The following LLGL2 variants were observed in gnomAD, a reference collection of about 807,000 sequenced individuals.
LLGL2 encodes the protein LLGL scribble cell polarity complex component 2.
LLGL2 carries 81 observed loss-of-function variants against 123.2 expected under a neutral mutation model. That is an observed-to-expected ratio of 0.66 (90% CI 0.55 to 0.79). The LOEUF (loss-of-function observed/expected upper bound fraction) is 0.79. LLGL2 is among the 30% of genes least tolerant of loss of function. The pLI is 0.00. For synonymous variants in LLGL2, 577 were observed against 594.1 expected (o/e 0.97, Z 0.42); for missense variants, 1,273 against 1,414.6 (o/e 0.90, Z 1.61).
intron 1 of LLGL2, among the ~76,000 whole-genome samples, chr17:75,537,243 A>G (rs929105423): frequency 6.6e-6 from 1 of 152,182 alleles, no homozygotes; most frequent in Non-Finnish European, 1.5e-5. Context: ...TAAACAGCAC[A>G]TCAAGGCCAG....
chr17:75,558,801 AG>A lies in LLGL2; in HGVS notation c.371+175del, dbSNP rs1391027598. Among the ~76,000 whole-genome samples, 2 of 151,626 alleles carry A rather than the reference AG, an allele frequency of 1.3e-5. No individual in the cohort carries two copies. The highest frequency in any genetic ancestry group is 4.8e-5 in the African/African-American group (2 of 41,272). On this transcript the variant is annotated intron_variant, in intron 5 of 25. Coordinates refer to ENST00000392550, the MANE Select transcript of LLGL2 (RefSeq NM_001031803.2). The surrounding 1 kb of genome is among the most constrained non-coding windows in gnomAD (Gnocchi z 4.0). ...CTCCGAGTGGAGTGGGCGGGGCTGC[AG>A]CCTGCCTCCTCCATCCACACCACGC...
At chr17:75,535,467 A>G (rs918832640) in intron 1 of LLGL2, among the ~76,000 whole-genome samples, 2 of 152,190 alleles carry the variant, frequency 1.3e-5, no homozygotes, top group African/African-American at 4.8e-5. Context: ...CAGATCAATG[A>G]GATCAATGGA....
intron 2 of LLGL2, among the ~76,000 whole-genome samples, chr17:75,554,353 T>C (rs1038611352): frequency 1.2e-4 from 18 of 150,346 alleles, no homozygotes; most frequent in Middle Eastern, 3.2e-3. Context: ...GACTCACGCC[T>C]GTAATCCCAG....
At chr17:75,567,975 T>C in intron 10 of LLGL2, 1 of 742,762 alleles carries the variant, frequency 1.3e-6, no homozygotes, top group Non-Finnish European at 1.6e-6. Flanking sequence ...AGACAAATGG[T>C]TTAATCATCC....
intron 2 of LLGL2, among the ~76,000 whole-genome samples, chr17:75,552,420 C>T (rs528880175): frequency 1.6e-4 from 24 of 152,074 alleles, no homozygotes; most frequent in Non-Finnish European, 3.1e-4. Flanking sequence ...ACCAGGGAGG[C>T]GGAGGTTGCA....
At chr17:75,542,263 C>T (rs925777484) in intron 1 of LLGL2, among the ~76,000 whole-genome samples, 3 of 152,082 alleles carry the variant, frequency 2.0e-5, no homozygotes, top group African/African-American at 7.2e-5. Context: ...ATCTAAGCTG[C>T]CTCCCACTTC....
intron 19 of LLGL2, among the ~76,000 whole-genome samples, 186 bp from the exon 20 acceptor site, chr17:75,572,828 A>T (rs1278127600): frequency 6.6e-6 from 1 of 151,778 alleles, no homozygotes; most frequent in East Asian, 1.9e-4. Flanking sequence ...TCGGAGGAAA[A>T]AAAAAAAAAT....
At chr17:75,539,140 C>G (rs1299162936) in intron 1 of LLGL2, among the ~76,000 whole-genome samples, 1 of 152,198 alleles carries the variant, frequency 6.6e-6, no homozygotes, top group East Asian at 1.9e-4. Flanking sequence ...CTCACTGCAG[C>G]CTCAACTTCC....
At chr17:75,552,612 C>T (rs2054728147) in intron 2 of LLGL2, among the ~76,000 whole-genome samples, 1 of 152,154 alleles carries the variant, frequency 6.6e-6, no homozygotes, top group Non-Finnish European at 1.5e-5. Flanking sequence ...GTGTATTTTA[C>T]ACTTACGGCA....
In LLGL2 at chr17:75,569,959, G is replaced by A. The variant is rs768343130; in HGVS notation, c.1582-4G>A. The A allele has an allele frequency of 7.6e-6, 12 of 1,581,904 alleles. No individual in the cohort carries two copies. The highest frequency in any genetic ancestry group is 1.7e-5 in the Admixed American group (1 of 57,898). Reference sequence around the variant, plus strand: ...CTTGCTGAGCCACCTGCCACCCTGCGCAGGTGCTGGTACTGGAACTGAATG... The same window carrying A: ...CTTGCTGAGCCACCTGCCACCCTGCACAGGTGCTGGTACTGGAACTGAATG... On this transcript the variant is annotated splice_polypyrimidine_tract_variant and splice_region_variant and intron_variant, in intron 14 of 25. Transcript: ENST00000392550.
chr17:75,526,531 G>A (rs1236287841), intron 1 of LLGL2, among the ~76,000 whole-genome samples: 1 of 152,188 alleles, frequency 6.6e-6, no homozygotes, highest in African/African-American at 2.4e-5. Flanking sequence ...TGGTGGACAC[G>A]CTGGGCCTTG....
chr17:75,568,933 C>G (rs371263513), intron 12 of LLGL2, 45 bp from the exon 13 acceptor site: 3 of 1,587,220 alleles, frequency 1.9e-6, no homozygotes, highest in Admixed American at 1.7e-5. Context: ...CTGGGCATCC[C>G]GGCTGGCATC....
intron 10 of LLGL2, chr17:75,568,120 G>T: frequency 8.4e-7 from 1 of 1,187,306 alleles, no homozygotes; most frequent in Non-Finnish European, 1.0e-6. Context: ...GGAGAGGCTT[G>T]ACAGGTGCAT....
At chr17:75,554,971 C>T (rs962035695) in intron 2 of LLGL2, among the ~76,000 whole-genome samples, 2 of 149,752 alleles carry the variant, frequency 1.3e-5, no homozygotes, top group African/African-American at 4.9e-5. Flanking sequence ...GTGGACAGAT[C>T]ATGAGGTCAG....
rs759931517 is a variant in LLGL2 at position 75,571,963 on chromosome 17, G to A, written c.2359G>A (p.Val787Ile). 19 of 1,612,734 alleles carry A rather than the reference G, an allele frequency of 1.2e-5. No homozygotes were observed. Among genetic ancestry groups the A allele is most frequent in the Middle Eastern group, 1.6e-4 (1 of 6,084 alleles). ...CATCCTGGTGCTCGACGGACACAGC[G>A]TACCCCTTCCCGAGCCCCTCGAAGT... ...VGILVLDGHS[V>I]PLPEPLEVAH... The change falls in exon 19 of 26, where the codon GTA (valine) becomes ATA (isoleucine). Residue 787 changes from valine (V) to isoleucine (I), a missense_variant. Transcript: ENST00000392550.
rs1258727084 is a variant in LLGL2, at chr17:75,558,283, G to T, written c.255+47G>T. ...AGGAAGCCACTTCCATGCCCTCCTTGCCTTCACTGCTTCCAGCAGGGCTGG... is the reference window on the plus strand; with the variant it reads ...AGGAAGCCACTTCCATGCCCTCCTTTCCTTCACTGCTTCCAGCAGGGCTGG... On this transcript the variant is annotated intron_variant, in intron 4 of 25. Coordinates refer to ENST00000392550, the MANE Select transcript of LLGL2 (RefSeq NM_001031803.2). The surrounding 1 kb of genome is among the most constrained non-coding windows in gnomAD (Gnocchi z 4.0). 2 of 1,541,154 alleles carry T rather than the reference G, an allele frequency of 1.3e-6. No individual in the cohort carries two copies. The highest frequency in any genetic ancestry group is 1.8e-6 in the Non-Finnish European group (2 of 1,121,432).
At chr17:75,562,166 C>T (rs191736619) in intron 6 of LLGL2, 3 of 152,264 alleles carry the variant, frequency 2.0e-5, no homozygotes, top group African/African-American at 7.2e-5. Flanking sequence ...CCAGCCCTCA[C>T]GGCAGCATTC....
intron 8 of LLGL2, 28 bp from the exon 9 acceptor site, chr17:75,563,724 C>G: frequency 1.2e-6 from 2 of 1,613,456 alleles, no homozygotes; most frequent in Non-Finnish European, 1.7e-6. Flanking sequence ...GTTTGAGGAT[C>G]CGTTCAAGCC....
rs1229187114 is a variant in LLGL2, at chr17:75,549,963, C to T, written c.76-6083C>T. 6.6e-6 allele frequency among the ~76,000 whole-genome samples: 1 copy of T among 152,234 alleles called. No homozygotes were observed. Among genetic ancestry groups the T allele is most frequent in the Non-Finnish European group, 1.5e-5 (1 of 68,044 alleles). On this transcript the variant is annotated intron_variant, in intron 2 of 25. Coordinates refer to ENST00000392550, the MANE Select transcript of LLGL2 (RefSeq NM_001031803.2). The surrounding 1 kb of genome is among the most constrained non-coding windows in gnomAD (Gnocchi z 4.0). ...TCTGCAAATCTTTGCTCTCCTTTCCCAACCCCCCTGTCAAAAGAGTTCATT... is the reference window on the plus strand; with the variant it reads ...TCTGCAAATCTTTGCTCTCCTTTCCTAACCCCCCTGTCAAAAGAGTTCATT...
Sources: allele counts gnomAD v4.1 joint callset (sites outside exome capture counted in the v4.1 genomes callset), GRCh38; gene constraint gnomAD v4.1.1; non-coding constraint Gnocchi (gnomAD v3.1); transcripts MANE v1.5; gene names NCBI Gene and HGNC (gene_info 2026-07-23, HGNC 2026-07-21).